HDGFL3: variants seen among roughly 807,000 people sequenced by gnomAD.
HDGFL3 encodes HDGF like 3, also known as hepatoma-derived growth factor-related protein 3.
In HDGFL3, 6 loss-of-function variants were observed where a neutral mutation model predicts 27.6. The observed-to-expected ratio is 0.22, with a 90% CI of 0.12 to 0.43. HDGFL3 has a LOEUF of 0.43. HDGFL3 is among the 20% of genes least tolerant of loss of function. HDGFL3 has a pLI of 1.00. For missense variants in HDGFL3, 207 were observed against 250.1 expected, an observed-to-expected ratio of 0.83 and a Z score of 1.16; for synonymous variants, 88 against 88.9, an observed-to-expected ratio of 0.99 and a Z score of 0.05.
chr15:83,198,660 C>T (rs749113950), intron 1 of HDGFL3, among the ~76,000 whole-genome samples: 7 of 152,124 alleles, frequency 4.6e-5, no homozygotes, highest in Non-Finnish European at 7.4e-5. Flanking sequence ...GTAAGGGCCA[C>T]GTGCTAACTC....
intron 1 of HDGFL3, among the ~76,000 whole-genome samples, chr15:83,177,644 ATTTGAATT>A (rs2037329361): frequency 6.6e-6 from 1 of 152,214 alleles, no homozygotes; most frequent in Non-Finnish European, 1.5e-5. Context: ...ATCTTTGCAT[ATTTGAATT>A]TTTAAGATAG....
rs780519454 is a variant in HDGFL3, at chr15:83,207,309, C to A, written c.84+22G>T. ...GGGGAAAATGGTGGGCGGGCGGGCC[C>A]GCGCGCGGCCGCGGTACTCACCCGG... On this transcript the variant is annotated intron_variant, in intron 1 of 5. Coordinates refer to ENST00000299633, the MANE Select transcript of HDGFL3 (RefSeq NM_016073.4). The surrounding 1 kb of genome is among the most constrained non-coding windows in gnomAD (Gnocchi z 4.8). 2.2e-6 allele frequency: 3 copies of A among 1,335,864 alleles called. No individual in the cohort carries two copies. The South Asian group carries it at 6.1e-5, about 27-fold the overall frequency. The allele number at this position is 1,335,864 out of a possible 1,614,324, so 82.8% of individuals were successfully genotyped here. A position where few individuals can be genotyped will look rare whatever the true frequency, so the allele number is the denominator to read the frequency against.
intron 1 of HDGFL3, among the ~76,000 whole-genome samples, chr15:83,204,505 T>C (rs1212750772): frequency 6.6e-6 from 1 of 152,134 alleles, no homozygotes. Context: ...AAAGAGCAAG[T>C]AGAATGAAAT....
chr15:83,153,210 C>T (rs1368967972), intron 4 of HDGFL3, among the ~76,000 whole-genome samples: 2 of 151,838 alleles, frequency 1.3e-5, no homozygotes, highest in Admixed American at 6.6e-5. Flanking sequence ...CTGTGTTAGC[C>T]AGGATGGTCT....
At chr15:83,122,097 G>GCT in intron 3 of HDGFL3, 1 of 994,452 alleles carries the variant, frequency 1.0e-6, no homozygotes, top group Non-Finnish European at 1.5e-6. Context: ...ATAGAACCAA[G>GCT]TGATTCCAAG....
Position 83,129,421 on chromosome 15 carries a change from G to A in HDGFL3, c.*9849C>T, listed in dbSNP as rs1196057084. 1.3e-5 allele frequency: 2 copies of A among 152,082 alleles called. No homozygotes were observed. Among genetic ancestry groups the A allele is most frequent in the Non-Finnish European group, 2.9e-5 (2 of 68,028 alleles). The allele number at this position is 152,082 out of a possible 1,614,324, so 9.4% of individuals were successfully genotyped here. A position where few individuals can be genotyped will look rare whatever the true frequency, so the allele number is the denominator to read the frequency against. Reference sequence around the variant, plus strand: ...CAACTGAGGGGAGGCTGGTGACTGTGGTCTTCCTGCCTGCCTCAGAATAAA... The same window carrying A: ...CAACTGAGGGGAGGCTGGTGACTGTAGTCTTCCTGCCTGCCTCAGAATAAA... On this transcript the variant is annotated 3_prime_UTR_variant, in exon 6 of 6. Transcript: ENST00000299633.
At chr15:83,174,067 T>G (rs950993441) in intron 1 of HDGFL3, among the ~76,000 whole-genome samples, 1 of 152,194 alleles carries the variant, frequency 6.6e-6, no homozygotes, top group African/African-American at 2.4e-5. Context: ...TACTTTTGAT[T>G]TAAATTGTGA....
At chr15:83,112,980 G>T in exon 4 of HDGFL3, 1 of 1,194,130 alleles carries the variant, frequency 8.4e-7, no homozygotes, top group Non-Finnish European at 1.3e-6. Flanking sequence ...TTCCTCCTTG[G>T]TTGTGAATAC....
At chr15:83,119,595 C>T in intron 3 of HDGFL3, 3 of 1,614,132 alleles carry the variant, frequency 1.9e-6, no homozygotes, top group Non-Finnish European at 2.5e-6. Flanking sequence ...CGTATCTGAA[C>T]ACCGCATATG....
chr15:83,196,244 T>C (rs1006462169), intron 1 of HDGFL3, among the ~76,000 whole-genome samples: 3 of 151,922 alleles, frequency 2.0e-5, no homozygotes, highest in Non-Finnish European at 2.9e-5. Flanking sequence ...AATATACTTA[T>C]TGACTCATTT....
chr15:83,151,877 T>C (rs567120830), intron 4 of HDGFL3, among the ~76,000 whole-genome samples: 3 of 152,358 alleles, frequency 2.0e-5, no homozygotes, highest in African/African-American at 7.2e-5. Flanking sequence ...ATAAAACTGT[T>C]TGATATAAAC....
chr15:83,116,487 C>T (rs1484333656), intron 3 of HDGFL3, among the ~76,000 whole-genome samples: 3 of 152,146 alleles, frequency 2.0e-5, no homozygotes, highest in Non-Finnish European at 4.4e-5. Context: ...TTCAAGGTGA[C>T]ACAGGAAATG....
rs2151386471 is a variant in HDGFL3, at chr15:83,133,933, T to C, written c.*5337A>G. 1 of 152,380 alleles carries C rather than the reference T, an allele frequency of 6.6e-6. No homozygotes were observed. Among genetic ancestry groups the C allele is most frequent in the East Asian group, 1.9e-4 (1 of 5,188 alleles). The allele number at this position is 152,380 out of a possible 1,614,324, so 9.4% of individuals were successfully genotyped here. A position where few individuals can be genotyped will look rare whatever the true frequency, so the allele number is the denominator to read the frequency against. On this transcript the variant is annotated 3_prime_UTR_variant, in exon 6 of 6. Coordinates refer to ENST00000299633, the MANE Select transcript of HDGFL3 (RefSeq NM_016073.4). ...GTACATCCATTAGGACTATGAGCAG[T>C]ACTGGGAGCTGCACACCACTGGCCT...
In HDGFL3 at chr15:83,135,590, T is replaced by C. The variant is rs907990109; in HGVS notation, c.*3680A>G. 4.6e-5 allele frequency: 7 copies of C among 152,238 alleles called. No homozygotes were observed. The highest frequency in any genetic ancestry group is 1.3e-4 in the Admixed American group (2 of 15,284). The allele number at this position is 152,238 out of a possible 1,614,324, so 9.4% of individuals were successfully genotyped here. On this transcript the variant is annotated 3_prime_UTR_variant, in exon 6 of 6. Coordinates refer to ENST00000299633, the MANE Select transcript of HDGFL3 (RefSeq NM_016073.4). Reference sequence around the variant, plus strand: ...TTCTGACAGGAGCTTTTAATCCTGCTGTGGTCTGTTTTACCCTTTCCAATA... The same window carrying C: ...TTCTGACAGGAGCTTTTAATCCTGCCGTGGTCTGTTTTACCCTTTCCAATA...
chr15:83,124,853 G>A, downstream of HDGFL3: 1 of 1,308,164 alleles, frequency 7.6e-7, no homozygotes. Context: ...TTAGAAATAT[G>A]TTTTTGTTTT....
intron 1 of HDGFL3, among the ~76,000 whole-genome samples, chr15:83,167,597 C>T (rs1334213690): frequency 1.3e-5 from 2 of 150,812 alleles, no homozygotes; most frequent in Non-Finnish European, 2.9e-5. Flanking sequence ...AAGGGCAGTA[C>T]ATCATGAAGA....
chr15:83,171,802 A>T (rs2151410876), intron 1 of HDGFL3, among the ~76,000 whole-genome samples: 1 of 152,270 alleles, frequency 6.6e-6, no homozygotes, highest in East Asian at 1.9e-4. Context: ...GGGTAATGGG[A>T]TCATTCATAC....
At chr15:83,205,579 AATTTTAAGTCTATTTT>A (rs2037706684) in intron 1 of HDGFL3, among the ~76,000 whole-genome samples, 1 of 152,204 alleles carries the variant, frequency 6.6e-6, no homozygotes, top group African/African-American at 2.4e-5. Context: ...ATATTAATGA[AATTTTAAGTCTATTTT>A]CTTTTTGACT....
intron 4 of HDGFL3, among the ~76,000 whole-genome samples, chr15:83,152,696 A>C (rs1447477646): frequency 4.0e-5 from 6 of 151,636 alleles, no homozygotes; most frequent in African/African-American, 1.2e-4. Flanking sequence ...AAAAAAAAAA[A>C]AAACAAAAAA....
Sources: gnomAD v4.1 joint callset for allele counts (sites outside exome capture counted in the v4.1 genomes callset) on GRCh38, gnomAD v4.1.1 for gene constraint, Gnocchi (gnomAD v3.1) non-coding constraint, MANE v1.5 for transcripts, NCBI Gene and HGNC (gene_info 2026-07-23, HGNC 2026-07-21) for gene names.